Variants in KMT2C observed in about 807,000 individuals in gnomAD.
The protein encoded by KMT2C is lysine methyltransferase 2C, also known as histone-lysine N-methyltransferase 2C.
Under a neutral mutation model 507.9 loss-of-function variants are expected in KMT2C, and 88 were observed. The observed-to-expected ratio is 0.17, with a 90% confidence interval of 0.15 to 0.21. KMT2C has a LOEUF of 0.21. Among genes scored for constraint, KMT2C ranks in the 10% least tolerant of loss-of-function variants. The pLI, the probability that KMT2C is intolerant of heterozygous loss-of-function variation, is 1.00. For missense variants in KMT2C, 4,954 were observed against 5,957.8 expected, an observed-to-expected ratio of 0.83 and a Z score of 5.55; for synonymous variants, 2,049 against 2,080.8, an observed-to-expected ratio of 0.98 and a Z score of 0.42.
chr7:152,181,295 AGTCAGTTT>A lies in KMT2C; in HGVS notation c.6557_6564del (p.Gln2186LeufsTer13), dbSNP rs1456711039. 1 of 1,613,884 alleles carries A rather than the reference AGTCAGTTT, an allele frequency of 6.2e-7. No individual in the cohort carries two copies. Among genetic ancestry groups the A allele is most frequent in the African/African-American group, 1.3e-5 (1 of 74,880 alleles). ...TGATTTGTTACAGGTGTAACAAACA[AGTCAGTTT>A]GTGTAGATGGTCTTGGGGTTTGGGG... On this transcript the variant is annotated frameshift_variant, in exon 36 of 59. Transcript: ENST00000262189. LOFTEE classifies it high-confidence loss of function.
intron 23 of KMT2C, among the ~76,000 whole-genome samples, chr7:152,213,750 T>TAAAAAAAA (rs922863914): frequency 3.9e-5 from 3 of 76,314 alleles, no homozygotes; most frequent in African/African-American, 1.4e-4. Context: ...TGCATAGCAA[T>TAAAAAAAA]AAAAAAAAAA....
At chr7:152,271,545 C>A (rs765685966) in intron 7 of KMT2C, among the ~76,000 whole-genome samples, 9 of 151,702 alleles carry the variant, frequency 5.9e-5, no homozygotes, top group Admixed American at 5.3e-4. Context: ...TGATGGTATG[C>A]GCCTGTAATC....
intron 6 of KMT2C, among the ~76,000 whole-genome samples, chr7:152,304,990 T>C (rs2129195673): frequency 6.6e-6 from 1 of 152,330 alleles, no homozygotes; most frequent in East Asian, 1.9e-4. Context: ...ATTTGCTCTA[T>C]TTAGAGATTA....
At chr7:152,219,006 G>A (rs1453206189) in intron 23 of KMT2C, among the ~76,000 whole-genome samples, 3 of 146,432 alleles carry the variant, frequency 2.0e-5, no homozygotes, top group Admixed American at 6.9e-5. Context: ...GTCTTGCTCT[G>A]TCACCCACGC....
chr7:152,347,455 T>G (rs762846199), intron 2 of KMT2C, among the ~76,000 whole-genome samples: 6 of 152,194 alleles, frequency 3.9e-5, no homozygotes, highest in Non-Finnish European at 5.9e-5. Context: ...ATACCCAATT[T>G]ACTGGAGAGA....
intron 1 of KMT2C, among the ~76,000 whole-genome samples, chr7:152,381,206 C>A (rs1739703016): frequency 6.6e-6 from 1 of 152,148 alleles, no homozygotes; most frequent in Admixed American, 6.6e-5. Context: ...ATGTGCTAGG[C>A]ACTGTTCTAA....
intron 1 of KMT2C, among the ~76,000 whole-genome samples, chr7:152,411,760 T>C (rs989639969): frequency 2.0e-5 from 3 of 152,424 alleles, no homozygotes; most frequent in Non-Finnish European, 2.9e-5. Context: ...TTAATTACTT[T>C]GTATTATTTA....
chr7:152,159,890 G>A (rs912426474), intron 43 of KMT2C, among the ~76,000 whole-genome samples: 2 of 152,106 alleles, frequency 1.3e-5, no homozygotes, highest in Non-Finnish European at 2.9e-5. Context: ...AATCTCTGAC[G>A]GTTCTGAAAA....
intron 6 of KMT2C, among the ~76,000 whole-genome samples, chr7:152,290,280 ATATATATATATATATTTTTTTTTT>A (rs2096398093): frequency 9.4e-5 from 3 of 31,954 alleles, no homozygotes; most frequent in African/African-American, 4.0e-4. Flanking sequence ...ATATATATAT[ATATATATATATATATTTTTTTTTT>A]TTTTTTTTTT....
intron 3 of KMT2C, among the ~76,000 whole-genome samples, chr7:152,328,962 A>C (rs2096855635): frequency 6.6e-6 from 1 of 152,094 alleles, no homozygotes; most frequent in Admixed American, 6.6e-5. Context: ...GTTAAGGGTG[A>C]GGTGTCTAAT....
At chr7:152,402,744 CA>C in intron 1 of KMT2C, 1 of 156,798 alleles carries the variant, frequency 6.4e-6, no homozygotes, top group Non-Finnish European at 1.4e-5. Flanking sequence ...ATAATCCCAT[CA>C]AAAAGTAAGC....
intron 55 of KMT2C, among the ~76,000 whole-genome samples, chr7:152,141,153 T>C (rs905219459): frequency 1.5e-4 from 23 of 152,000 alleles, no homozygotes; most frequent in African/African-American, 3.9e-4. Flanking sequence ...GCCAAGAGAA[T>C]TGCTTGAGCC....
chr7:152,148,227 T>C lies in KMT2C; in HGVS notation c.13700A>G (p.Gln4567Arg), dbSNP rs1387103451. The change falls in exon 52 of 59, where the codon CAA becomes CGA. Residue 4567 changes from glutamine (Q) to arginine (R), a missense_variant. Coordinates refer to ENST00000262189, the MANE Select transcript of KMT2C (RefSeq NM_170606.3). This position sits in a 1 kb window ranked among gnomAD's most constrained non-coding sequence, Gnocchi z 7.1. ...GAGTGCTTTAGGAGAATGGAATGCT[T>C]GCATCTGCTGTGGAAGCAGCTGACC... Reference protein sequence around the residue: ...TIGQLLPQQMQAFHSPKALFP... With the variant: ...TIGQLLPQQMRAFHSPKALFP... The C allele has an allele frequency of 6.2e-7, 1 of 1,614,226 alleles. No individual in the cohort carries two copies. Among genetic ancestry groups the C allele is most frequent in the Admixed American group, 1.7e-5 (1 of 60,024 alleles).
chr7:152,288,563 T>A (rs201993526), intron 6 of KMT2C, among the ~76,000 whole-genome samples: 499 of 151,300 alleles, frequency 3.3e-3, no homozygotes, highest in Non-Finnish European at 3.9e-3. Context: ...TATTTTTTTT[T>A]TAAAAAAGAC....
intron 1 of KMT2C, among the ~76,000 whole-genome samples, chr7:152,389,316 G>A (rs899433148): frequency 7.1e-6 from 1 of 141,320 alleles, no homozygotes; most frequent in African/African-American, 2.7e-5. Context: ...AGTGAGCAGA[G>A]ATCGTGCAGC....
chr7:152,412,184 T>C (rs561108986), intron 1 of KMT2C, among the ~76,000 whole-genome samples: 866 of 152,284 alleles, frequency 5.7e-3, no homozygotes, highest in Non-Finnish European at 8.6e-3. Context: ...GGCTGATCAC[T>C]TGAGGCAAGA....
intron 31 of KMT2C, among the ~76,000 whole-genome samples, chr7:152,188,486 T>C (rs1057507385): frequency 1.8e-4 from 28 of 151,724 alleles, no homozygotes; most frequent in South Asian, 2.1e-4. Context: ...TCACAGCAAA[T>C]GCTAGTAAGT....
At position 152,177,608 on chromosome 7, in the gene KMT2C, T is replaced by A. The variant is rs1374359786; in HGVS notation, c.7845A>T (p.Leu2615=). 1.9e-6 allele frequency: 3 copies of A among 1,614,152 alleles called. No homozygotes were observed. Among genetic ancestry groups the A allele is most frequent in the Admixed American group, 3.3e-5 (2 of 60,020 alleles). The change falls in exon 38 of 59, where the codon CTA becomes CTT. Residue 2615 remains leucine (L), a synonymous_variant. Coordinates refer to ENST00000262189, the MANE Select transcript of KMT2C (RefSeq NM_170606.3). ...TDPMRRPPQG[L]PNQLPVHPDL... is the part of the protein sequence containing the mutation. ...CTGGGTGCACAGGTAGCTGATTAGG[T>A]AGACCCTGGGGAGGTCGTCGCATGG...
intron 6 of KMT2C, among the ~76,000 whole-genome samples, chr7:152,288,335 AC>A (rs2096344814): frequency 6.6e-6 from 1 of 151,646 alleles, no homozygotes; most frequent in Non-Finnish European, 1.5e-5. Flanking sequence ...GGAGTTCAAG[AC>A]CAGCCTGGCC....
Sources: gnomAD v4.1 joint callset for allele counts (sites outside exome capture counted in the v4.1 genomes callset) on GRCh38, gnomAD v4.1.1 for gene constraint, Gnocchi (gnomAD v3.1) non-coding constraint, MANE v1.5 for transcripts, NCBI Gene and HGNC (gene_info 2026-07-23, HGNC 2026-07-21) for gene names.